The following CCZ1B variants were observed in gnomAD, a reference collection of about 807,000 sequenced individuals.
The protein encoded by CCZ1B is vacuolar fusion protein CCZ1 homolog B.
Under a neutral mutation model 58.8 loss-of-function variants are expected in CCZ1B, and 25 were observed. The ratio of observed to expected loss-of-function variants is 0.43; its 90% confidence interval spans 0.31 to 0.59. The LOEUF is 0.59. Ranked by LOEUF, CCZ1B falls within the 20% of genes least tolerant of loss-of-function variation. The probability of loss-of-function intolerance (pLI) is 0.12; values close to 1 mark genes in which losing one functional copy is unlikely to be tolerated. For missense variants in CCZ1B, 180 were observed against 501.5 expected (o/e 0.36, Z 6.12); for synonymous variants, 66 against 173.2 (o/e 0.38, Z 4.86).
At chr7:6,809,500 T>A (rs2711216) in intron 10 of CCZ1B, among the ~76,000 whole-genome samples, 1 of 139,868 alleles carries the variant, frequency 7.1e-6, no homozygotes, top group African/African-American at 2.8e-5. Context: ...GAGATTTCAG[T>A]CATTACCTGG....
intron 5 of CCZ1B, among the ~76,000 whole-genome samples, chr7:6,822,799 G>A (rs1343572659): frequency 7.0e-6 from 1 of 141,974 alleles, no homozygotes; most frequent in Non-Finnish European, 1.5e-5. Context: ...CCTCCAAGGT[G>A]CGAGCGATCC....
intron 5 of CCZ1B, 95 bp downstream of exon 5, chr7:6,823,218 T>G: frequency 6.6e-7 from 1 of 1,514,554 alleles, no homozygotes. Context: ...AGAGTCACTT[T>G]GCAGTCATTT....
intron 8 of CCZ1B, 34 bp downstream of exon 8, chr7:6,814,730 A>G: frequency 6.4e-7 from 1 of 1,572,118 alleles, no homozygotes; most frequent in Non-Finnish European, 8.7e-7. Flanking sequence ...GTGCCCCTGC[A>G]TGTAATTGTG....
chr7:6,818,278 G>C lies in CCZ1B; in HGVS notation c.698+1488C>G, dbSNP rs553058431. ...AAGAAACGGGGCTAGGCCAGGTGCG[G>C]TGGCTCACACCTGTAATCGCGGCAC... On this transcript the variant is annotated intron_variant, in intron 7 of 14. Coordinates refer to ENST00000316731, the MANE Select transcript of CCZ1B (RefSeq NM_198097.5). Among the ~76,000 whole-genome samples the C allele has an allele frequency of 2.7e-4, 40 of 150,002 alleles. 2 individuals are homozygous for C. Among genetic ancestry groups the C allele is most frequent in the Non-Finnish European group, 4.7e-4 (32 of 67,680 alleles).
Position 6,824,866 on chromosome 7 carries a change from T to C in CCZ1B, c.121-129A>G, listed in dbSNP as rs560394642. On this transcript the variant is annotated intron_variant, in intron 1 of 14. Transcript: ENST00000316731. ...GACAAAATAAAACAAAAACCGGTTT[T>C]AGAAAAACAGGAATTGTAATCCTAG... The C allele has an allele frequency of 4.9e-6, 6 of 1,212,658 alleles. No individual in the cohort carries two copies. The South Asian group carries it at 8.2e-5, about 16-fold the overall frequency. The allele number at this position is 1,212,658 out of a possible 1,614,324, so 75.1% of individuals were successfully genotyped here.
intron 6 of CCZ1B, 116 bp from the exon 7 acceptor site, chr7:6,820,057 C>G: frequency 1.5e-6 from 2 of 1,360,034 alleles, no homozygotes; most frequent in African/African-American, 1.5e-5. Context: ...TACATACTAG[C>G]AAACAGCACA....
intron 7 of CCZ1B, among the ~76,000 whole-genome samples, chr7:6,816,729 G>A (rs1435039476): frequency 1.3e-5 from 2 of 150,880 alleles, no homozygotes; most frequent in Middle Eastern, 3.2e-3. Flanking sequence ...TAACAGCTTT[G>A]GAATAAGCAA....
At chr7:6,818,690 A>AC (rs1562431463) in intron 7 of CCZ1B, among the ~76,000 whole-genome samples, 2 of 66,118 alleles carry the variant, frequency 3.0e-5, no homozygotes, top group South Asian at 8.8e-4. Context: ...AGAAAGAAAG[A>AC]AAGACAAGAA....
rs1388999268 is a variant in CCZ1B, at chr7:6,818,941, T to C, written c.698+825A>G. Among the ~76,000 whole-genome samples, 2 of 147,984 alleles carry C rather than the reference T, an allele frequency of 1.4e-5. 1 individual carries two copies. The highest frequency in any genetic ancestry group is 3.0e-5 in the Non-Finnish European group (2 of 67,428). The stretch of plus-strand genomic sequence containing the variant: ...ACCTAGTTTCACGATAGCAGGTAAT[T>C]TCCTGGTTTATATAACACTTTGGAT... On this transcript the variant is annotated intron_variant, in intron 7 of 14. Transcript: ENST00000316731.
intron 7 of CCZ1B, among the ~76,000 whole-genome samples, chr7:6,819,415 T>C (rs1323771485): frequency 6.7e-6 from 1 of 148,618 alleles, no homozygotes; most frequent in East Asian, 1.9e-4. Flanking sequence ...TTTGTATTTT[T>C]AGTAGAGACA....
chr7:6,817,063 G>GT (rs1358271085), intron 7 of CCZ1B, among the ~76,000 whole-genome samples: 1 of 152,308 alleles, frequency 6.6e-6, no homozygotes, highest in Non-Finnish European at 1.5e-5. Flanking sequence ...GGCGCCTGGA[G>GT]TAAGAGGCTG....
At chr7:6,814,726 C>A (rs1445168827) in intron 8 of CCZ1B, 38 bp downstream of exon 8, 7 of 1,563,288 alleles carry the variant, frequency 4.5e-6, no homozygotes, top group Non-Finnish European at 6.1e-6. Flanking sequence ...CTCTGTGCCC[C>A]TGCATGTAAT....
chr7:6,803,779 T>C (rs1463878807), intron 12 of CCZ1B, among the ~76,000 whole-genome samples: 2 of 150,940 alleles, frequency 1.3e-5, no homozygotes, highest in African/African-American at 2.4e-5. Context: ...CTGACCAACA[T>C]GGTAAAACCC....
intron 7 of CCZ1B, among the ~76,000 whole-genome samples, chr7:6,815,387 T>C (rs1306623071): frequency 6.7e-6 from 1 of 149,546 alleles, no homozygotes; most frequent in Non-Finnish European, 1.5e-5. Flanking sequence ...GGTTTCGAAC[T>C]CCTGGACTCA....
chr7:6,824,449 A>T lies in CCZ1B; in HGVS notation c.312+6T>A. 6.2e-7 allele frequency: 1 copy of T among 1,605,060 alleles called. No individual in the cohort carries two copies. The highest frequency in any genetic ancestry group is 1.1e-5 in the South Asian group (1 of 90,422). The stretch of plus-strand genomic sequence containing the variant: ...TTTCAGAAAGATACACTGTGTGTGT[A>T]AATACCATGACCATCCAGAAATTTT... On this transcript the variant is annotated splice_donor_region_variant and intron_variant, in intron 3 of 14. Coordinates refer to ENST00000316731, the MANE Select transcript of CCZ1B (RefSeq NM_198097.5).
intron 7 of CCZ1B, among the ~76,000 whole-genome samples, chr7:6,815,151 A>G (rs1474247464): frequency 1.4e-5 from 2 of 143,792 alleles, no homozygotes. Context: ...CTCATTTTTT[A>G]TTAAAAAAAA....
In CCZ1B at chr7:6,810,805, G is replaced by A. The variant is rs1340297269; in HGVS notation, c.954+1147C>T. On this transcript the variant is annotated intron_variant, in intron 10 of 14. Coordinates refer to ENST00000316731, the MANE Select transcript of CCZ1B (RefSeq NM_198097.5). ...GTGGATACTAATTTTTAAAGTTCTCGTCTGTCCTCGGAATCATGTTTCTTT... is the reference window on the plus strand; with the variant it reads ...GTGGATACTAATTTTTAAAGTTCTCATCTGTCCTCGGAATCATGTTTCTTT... Among the ~76,000 whole-genome samples, 7 of 149,048 alleles carry A rather than the reference G, an allele frequency of 4.7e-5. 1 individual carries two copies. The highest frequency in any genetic ancestry group is 4.2e-4 in the South Asian group (2 of 4,730).
At chr7:6,800,437 T>C (rs1160451729) in intron 14 of CCZ1B, among the ~76,000 whole-genome samples, 89 of 141,754 alleles carry the variant, frequency 6.3e-4, no homozygotes, top group African/African-American at 2.4e-3. Context: ...AGAGGATCAC[T>C]TGAGGCCTGG....
intron 12 of CCZ1B, among the ~76,000 whole-genome samples, chr7:6,804,492 C>T (rs1335971595): frequency 2.6e-5 from 3 of 114,760 alleles, no homozygotes; most frequent in African/African-American, 6.8e-5. Context: ...GAGTGAATCC[C>T]GCCTCTCCCA....
Sources: allele counts gnomAD v4.1 joint callset (sites outside exome capture counted in the v4.1 genomes callset), GRCh38; gene constraint gnomAD v4.1.1; transcripts MANE v1.5; gene names NCBI Gene and HGNC (gene_info 2026-07-23, HGNC 2026-07-21).